The following LNP1 variants were observed in gnomAD, a reference collection of about 807,000 sequenced individuals.
LNP1 encodes leukemia NUP98 fusion partner 1.
Under a neutral mutation model 14.5 loss-of-function variants are expected in LNP1, and 12 were observed. The observed-to-expected ratio is 0.83, with a 90% CI of 0.53 to 1.34. The LOEUF is 1.34. Ranked by LOEUF, LNP1 falls within the 40% of genes most tolerant of loss-of-function variation. The probability of loss-of-function intolerance (pLI) is 0.00; values close to 1 mark genes in which losing one functional copy is unlikely to be tolerated. For synonymous variants in LNP1, 75 were observed against 71.4 expected, an observed-to-expected ratio of 1.05 and a Z score of -0.26; for missense variants, 198 against 210.9, an observed-to-expected ratio of 0.94 and a Z score of 0.38.
chr3:100,437,390 G>A (rs535923510), intron 2 of LNP1, among the ~76,000 whole-genome samples: 9 of 152,210 alleles, frequency 5.9e-5, no homozygotes, highest in East Asian at 3.9e-4. Context: ...TATAACTTAC[G>A]ATATGGTGTT....
At chr3:100,424,417 C>T (rs1202607695) in intron 1 of LNP1, among the ~76,000 whole-genome samples, 1 of 152,188 alleles carries the variant, frequency 6.6e-6, no homozygotes, top group Non-Finnish European at 1.5e-5. Flanking sequence ...CTGGGTCAAG[C>T]TTCCAAGAGT....
In LNP1 at chr3:100,402,310, A is replaced by G. The variant is rs1054097850; in HGVS notation, c.-163A>G. The G allele has an allele frequency of 6.6e-6, 1 of 152,234 alleles. No individual in the cohort carries two copies. Among genetic ancestry groups the G allele is most frequent in the African/African-American group, 2.4e-5 (1 of 41,458 alleles). 9.4% of individuals were successfully genotyped at this position (152,234 alleles called of 1,614,324 possible). ...AAATGATTGTTTTGCTGTTAAGTGC[A>G]ACAACATCACAGTAGAGCTACATAA... On this transcript the variant is annotated 5_prime_UTR_variant, in exon 1 of 4. Coordinates refer to ENST00000383693, the MANE Select transcript of LNP1 (RefSeq NM_001085451.2).
chr3:100,432,273 T>C (rs1707250453), intron 2 of LNP1, among the ~76,000 whole-genome samples: 1 of 151,428 alleles, frequency 6.6e-6, no homozygotes, highest in African/African-American at 2.4e-5. Context: ...TTGCCTACTT[T>C]GAATGTGGTT....
At chr3:100,441,489 T>A (rs1382976475) in intron 2 of LNP1, among the ~76,000 whole-genome samples, 1 of 152,164 alleles carries the variant, frequency 6.6e-6, no homozygotes, top group Non-Finnish European at 1.5e-5. Flanking sequence ...TATTATATGA[T>A]CTCTTTTTAT....
intron 1 of LNP1, among the ~76,000 whole-genome samples, chr3:100,405,334 T>G (rs1400436548): frequency 1.3e-5 from 2 of 152,224 alleles, no homozygotes; most frequent in Non-Finnish European, 2.9e-5. Flanking sequence ...TTAGTTCATA[T>G]AAGTGAAAAC....
chr3:100,443,951 T>G (rs1707366128), intron 2 of LNP1, among the ~76,000 whole-genome samples: 1 of 152,220 alleles, frequency 6.6e-6, no homozygotes. Context: ...GTAAATAGCT[T>G]AAAACTTTTC....
intron 1 of LNP1, among the ~76,000 whole-genome samples, chr3:100,422,182 C>CTTTTT (rs35862297): frequency 2.0e-5 from 2 of 101,614 alleles, no homozygotes; most frequent in Non-Finnish European, 3.9e-5. Context: ...TTGATAAAGT[C>CTTTTT]TTTTTTTTTT....
At chr3:100,404,451 C>G (rs747951989) in intron 1 of LNP1, among the ~76,000 whole-genome samples, 7 of 152,172 alleles carry the variant, frequency 4.6e-5, no homozygotes, top group Non-Finnish European at 8.8e-5. Context: ...GTGACAAAGA[C>G]TACAGTTTTC....
intron 1 of LNP1, among the ~76,000 whole-genome samples, chr3:100,429,125 A>G (rs972843476): frequency 1.3e-5 from 2 of 152,230 alleles, no homozygotes; most frequent in East Asian, 1.9e-4. Context: ...ACATGTGTAC[A>G]TATATAAGTA....
Position 100,440,855 on chromosome 3 carries a change from C to G in LNP1, c.157-10864C>G, listed in dbSNP as rs138597521. ...GAAGCATTGGAAACCAGGAGAGCAT[C>G]TGGCAGGAACCTGAACCAATCAGAA... On this transcript the variant is annotated intron_variant, in intron 2 of 3. Transcript: ENST00000383693. Among the ~76,000 whole-genome samples the G allele has an allele frequency of 1.1e-4, 17 of 152,296 alleles. No individual in the cohort carries two copies. The East Asian group carries it at 2.9e-3, about 26-fold the overall frequency.
chr3:100,419,138 T>G (rs1707119113), intron 1 of LNP1, among the ~76,000 whole-genome samples: 1 of 152,172 alleles, frequency 6.6e-6, no homozygotes. Flanking sequence ...CATAGGTTTT[T>G]TCTGCTACAG....
intron 2 of LNP1, 49 bp downstream of exon 2, chr3:100,429,934 G>A (rs772414231): frequency 1.0e-5 from 16 of 1,563,336 alleles, no homozygotes; most frequent in Non-Finnish European, 1.3e-5. Context: ...TAGGGGAGGG[G>A]GTTTCTCTTA....
chr3:100,441,211 A>G (rs1037532794), intron 2 of LNP1, among the ~76,000 whole-genome samples: 5 of 152,244 alleles, frequency 3.3e-5, no homozygotes, highest in African/African-American at 1.2e-4. Context: ...GCAAGGAAAC[A>G]GTGTTTTCAA....
chr3:100,418,299 C>G (rs186852752), intron 1 of LNP1, among the ~76,000 whole-genome samples: 1 of 151,660 alleles, frequency 6.6e-6, no homozygotes, highest in East Asian at 1.9e-4. Flanking sequence ...CCCAAGTGAT[C>G]CAACTGCCTC....
At chr3:100,408,457 C>A (rs1706993702) in intron 1 of LNP1, among the ~76,000 whole-genome samples, 1 of 152,198 alleles carries the variant, frequency 6.6e-6, no homozygotes, top group South Asian at 2.1e-4. Context: ...ACCCAAAGCC[C>A]ACAGCTGCTG....
At chr3:100,440,381 T>C (rs1388967538) in intron 2 of LNP1, among the ~76,000 whole-genome samples, 1 of 152,206 alleles carries the variant, frequency 6.6e-6, no homozygotes. Context: ...TTTTTTCTTT[T>C]TTACATCTTC....
At chr3:100,422,803 CTTTTTTT>C (rs557593118) in intron 1 of LNP1, among the ~76,000 whole-genome samples, 31 of 69,080 alleles carry the variant, frequency 4.5e-4, no homozygotes, top group South Asian at 1.1e-3. Context: ...TTTGTCTCCT[CTTTTTTT>C]TTTTTTTTTT....
chr3:100,433,587 G>A lies in LNP1; in HGVS notation c.156+3702G>A, dbSNP rs148079717. The stretch of plus-strand genomic sequence containing the variant: ...TTCCTTTGGGTGTATACCCAGTAAT[G>A]GGATTGCTGGGTCAAATGGTATTTC... On this transcript the variant is annotated intron_variant, in intron 2 of 3. Transcript: ENST00000383693. Among the ~76,000 whole-genome samples the A allele has an allele frequency of 9.9e-3, 1,503 of 152,280 alleles. 47 individuals are homozygous for A. The East Asian group carries it at 0.11, about 11-fold the overall frequency.
intron 1 of LNP1, among the ~76,000 whole-genome samples, chr3:100,408,386 A>G (rs540562441): frequency 1.3e-5 from 2 of 152,348 alleles, no homozygotes; most frequent in East Asian, 3.9e-4. Flanking sequence ...TAGTCACTGA[A>G]GCTGACTTAG....
Sources: gnomAD v4.1 joint callset for allele counts (sites outside exome capture counted in the v4.1 genomes callset) on GRCh38, gnomAD v4.1.1 for gene constraint, MANE v1.5 for transcripts, NCBI Gene and HGNC (gene_info 2026-07-23, HGNC 2026-07-21) for gene names.